The following CLCN5 variants were observed in gnomAD, a reference collection of about 807,000 sequenced individuals.
CLCN5 encodes the protein H(+)/Cl(-) exchange transporter 5.
CLCN5 carries 17 observed loss-of-function variants against 54.0 expected under a neutral mutation model. The ratio of observed to expected loss-of-function variants is 0.31; its 90% CI spans 0.22 to 0.47. The LOEUF (loss-of-function observed/expected upper bound fraction) is 0.47, where lower values mean the gene tolerates loss of function less well. Ranked by LOEUF, CLCN5 falls within the 20% of genes least tolerant of loss-of-function variation. The pLI, the probability that CLCN5 is intolerant of heterozygous loss-of-function variation, is 1.00. For synonymous variants in CLCN5, 222 were observed against 233.0 expected (o/e 0.95, Z 0.43); for missense variants, 448 against 646.7 (o/e 0.69, Z 3.33).
At chrX:50,067,126 C>CATTTGTATT (rs1316363376) in intron 4 of CLCN5, among the ~76,000 whole-genome samples, 2 of 111,054 alleles carry the variant, frequency 1.8e-5, no homozygotes. Context: ...TAATCACTTA[C>CATTTGTATT]ATTTGTATTC....
At position 49,990,732 on chromosome X, in the gene CLCN5, C is replaced by G. The variant is rs144581386; in HGVS notation, c.17-51584C>G. Among the ~76,000 whole-genome samples the G allele has an allele frequency of 5.6e-3, 629 of 112,203 alleles. 9 individuals carry two copies. Among genetic ancestry groups the G allele is most frequent in the Middle Eastern group, 0.042 (9 of 214 alleles). On this transcript the variant is annotated intron_variant, in intron 3 of 14. Transcript: ENST00000376091. ...GGATTACAGGCATGAGCCACCACACCCAGCCATTATATCATTCTTATGCCT... is the reference window on the plus strand; with the variant it reads ...GGATTACAGGCATGAGCCACCACACGCAGCCATTATATCATTCTTATGCCT...
chrX:50,066,901 C>A (rs1933044632), intron 4 of CLCN5, among the ~76,000 whole-genome samples: 1 of 107,399 alleles, frequency 9.3e-6, no homozygotes, highest in African/African-American at 3.8e-5. Context: ...TTCACGTTTT[C>A]CTTTAATTAT....
chrX:49,954,029 G>T (rs1202131910), intron 3 of CLCN5, among the ~76,000 whole-genome samples: 1 of 112,009 alleles, frequency 8.9e-6, no homozygotes, highest in Non-Finnish European at 1.9e-5. Context: ...TTATTTTTAA[G>T]GATAGTGACT....
rs369495199 is a variant in CLCN5, at chrX:50,075,893, T to C, written c.514T>C (p.Cys172Arg). The C allele has an allele frequency of 8.3e-7, 1 of 1,209,604 alleles. No homozygotes were observed. Among genetic ancestry groups the C allele is most frequent in the African/African-American group, 1.7e-5 (1 of 57,282 alleles). The change falls in exon 7 of 15, where the codon TGC (cysteine) becomes CGC (arginine). Residue 172 changes from cysteine to arginine, a missense_variant. By Grantham distance (180) the Cys-to-Arg change is radical (BLOSUM62 -3). Around this residue, in one of 5 missense-constraint regions of CLCN5, gnomAD observed 41 missense variants for 71.3 expected, o/e 0.58. Transcript: ENST00000376091. Reference sequence around the variant, plus strand: ...ATTCTGGTTTAACCATGAACATTGTTGCTGGAACTCTGAGCATGTCACCTT... The same window carrying C: ...ATTCTGGTTTAACCATGAACATTGTCGCTGGAACTCTGAGCATGTCACCTT... ...GGFWFNHEHC[C>R]WNSEHVTFEE...
chrX:50,049,298 G>A (rs1932499049), intron 4 of CLCN5, among the ~76,000 whole-genome samples: 1 of 111,975 alleles, frequency 8.9e-6, no homozygotes, highest in African/African-American at 3.3e-5. Flanking sequence ...AGAATAACAT[G>A]CTGTACAGGT....
intron 11 of CLCN5, 72 bp downstream of exon 11, chrX:50,086,942 A>G: frequency 2.0e-6 from 2 of 990,972 alleles, no homozygotes; most frequent in South Asian, 2.0e-5. Flanking sequence ...CCCAGGTATC[A>G]TACAATCCTG....
intron 12 of CLCN5, among the ~76,000 whole-genome samples, chrX:50,089,314 A>G (rs1434863256): frequency 8.9e-6 from 1 of 112,287 alleles, no homozygotes; most frequent in Non-Finnish European, 1.9e-5. Flanking sequence ...ATGATGTTAT[A>G]TAAATTTGTA....
At chrX:50,030,928 T>C (rs987509966) in intron 3 of CLCN5, among the ~76,000 whole-genome samples, 39 of 111,934 alleles carry the variant, frequency 3.5e-4, no homozygotes, top group African/African-American at 1.2e-3. Context: ...GAGTTTTGCA[T>C]GTATGTTCCA....
intron 3 of CLCN5, among the ~76,000 whole-genome samples, chrX:49,932,509 G>A (rs188854635): frequency 3.7e-4 from 41 of 112,180 alleles, no homozygotes; most frequent in African/African-American, 1.3e-3. Flanking sequence ...GCAGCAAGGA[G>A]CGCAGCATGT....
chrX:50,057,332 G>C (rs1259625841), intron 4 of CLCN5, among the ~76,000 whole-genome samples: 1 of 103,525 alleles, frequency 9.7e-6, no homozygotes, highest in African/African-American at 3.5e-5. Context: ...CCCTGAATAA[G>C]TGTCCCAGGG....
At chrX:49,965,320 T>G (rs1927786704) in intron 3 of CLCN5, among the ~76,000 whole-genome samples, 1 of 112,116 alleles carries the variant, frequency 8.9e-6, no homozygotes, top group Non-Finnish European at 1.9e-5. Flanking sequence ...TCAGCAATAT[T>G]TTGTAGTTTT....
intron 9 of CLCN5, among the ~76,000 whole-genome samples, chrX:50,085,263 T>C (rs1469967077): frequency 2.7e-5 from 3 of 112,272 alleles, no homozygotes; most frequent in African/African-American, 6.5e-5. Context: ...GTGTTTGTCA[T>C]GTACATTTTA....
At chrX:50,068,146 C>T (rs781902284) in intron 4 of CLCN5, 2 of 111,867 alleles carry the variant, frequency 1.8e-5, no homozygotes, top group East Asian at 5.6e-4. Flanking sequence ...TCAACTGGAG[C>T]ATTAACCTGC....
intron 3 of CLCN5, among the ~76,000 whole-genome samples, chrX:49,931,313 G>T (rs1346587893): frequency 1.8e-5 from 2 of 111,246 alleles, no homozygotes; most frequent in African/African-American, 6.5e-5. Flanking sequence ...TTGTGTCCAT[G>T]TATGGATAGT....
chrX:50,031,385 T>G (rs1351462842), intron 3 of CLCN5, among the ~76,000 whole-genome samples: 1 of 112,124 alleles, frequency 8.9e-6, no homozygotes, highest in Non-Finnish European at 1.9e-5. Flanking sequence ...CAACTGTGGG[T>G]GTTGCCCAAG....
intron 3 of CLCN5, among the ~76,000 whole-genome samples, chrX:50,033,197 G>T (rs1232155345): frequency 9.0e-6 from 1 of 110,933 alleles, no homozygotes; most frequent in Non-Finnish European, 1.9e-5. Flanking sequence ...GAAATAAAGG[G>T]TATTCAATTA....
chrX:49,927,635 A>C (rs782742608), intron 3 of CLCN5, among the ~76,000 whole-genome samples: 2 of 112,227 alleles, frequency 1.8e-5, no homozygotes, highest in East Asian at 5.6e-4. Flanking sequence ...GGAGATAGTA[A>C]TATAACTCAT....
chrX:50,028,908 G>C (rs1484598717), intron 3 of CLCN5, among the ~76,000 whole-genome samples: 1 of 110,917 alleles, frequency 9.0e-6, no homozygotes, highest in African/African-American at 3.3e-5. Flanking sequence ...TGTCTTTCTG[G>C]ATCAGAACTA....
At chrX:49,925,343 T>A in intron 3 of CLCN5, 29 bp downstream of exon 3, 1 of 1,192,613 alleles carries the variant, frequency 8.4e-7, no homozygotes, top group Non-Finnish European at 1.1e-6. Flanking sequence ...TTCTTCTAAC[T>A]GGTTTTTCCT....
Sources: gnomAD v4.1 joint callset for allele counts (sites outside exome capture counted in the v4.1 genomes callset) on GRCh38, gnomAD v4.1.1 for gene constraint, gnomAD v4.1.1 regional missense constraint, MANE v1.5 for transcripts, NCBI Gene and HGNC (gene_info 2026-07-23, HGNC 2026-07-21) for gene names.